CSMD1: variants seen among roughly 807,000 people sequenced by gnomAD.
The protein encoded by CSMD1 is CUB and sushi domain-containing protein 1.
Under a neutral mutation model 417.5 loss-of-function variants are expected in CSMD1, and 213 were observed. That is an observed-to-expected ratio of 0.51 (90% CI 0.46 to 0.57). The LOEUF is 0.57. Ranked by LOEUF, CSMD1 falls within the 20% of genes least tolerant of loss-of-function variation. CSMD1 has a pLI of 0.00. For synonymous variants in CSMD1, 2,862 were observed against 1,736.8 expected, an observed-to-expected ratio of 1.65 and a Z score of -16.11; for missense variants, 6,923 against 4,529.7, an observed-to-expected ratio of 1.53 and a Z score of -15.17.
rs188524114 is a variant in CSMD1 at position 3,725,002 on chromosome 8, A to G, written c.932-16511T>C. Among the ~76,000 whole-genome samples the G allele has an allele frequency of 2.2e-3, 334 of 152,332 alleles. 2 individuals are homozygous for G. Among genetic ancestry groups the G allele is most frequent in the Middle Eastern group, 0.02 (6 of 294 alleles). On this transcript the variant is annotated intron_variant, in intron 6 of 69. Coordinates refer to ENST00000635120, the MANE Select transcript of CSMD1 (RefSeq NM_033225.6). Reference sequence around the variant, plus strand: ...TTTGTTTGGTATCCTAATATTTTATACAGCTATAAACGTTATTCTGGGAAG... The same window carrying G: ...TTTGTTTGGTATCCTAATATTTTATGCAGCTATAAACGTTATTCTGGGAAG...
intron 2 of CSMD1, among the ~76,000 whole-genome samples, chr8:4,618,847 A>T (rs1023709470): frequency 5.3e-5 from 8 of 152,158 alleles, no homozygotes; most frequent in African/African-American, 1.7e-4. Flanking sequence ...CTTACTTTTA[A>T]TGTGTGGTAT....
chr8:4,272,831 G>C (rs780457856), intron 3 of CSMD1, among the ~76,000 whole-genome samples: 12 of 152,116 alleles, frequency 7.9e-5, no homozygotes, highest in Non-Finnish European at 1.8e-4. Flanking sequence ...GCTTGTATCA[G>C]TCTTGATGAA....
intron 1 of CSMD1, among the ~76,000 whole-genome samples, chr8:4,860,834 C>T (rs1802087231): frequency 6.6e-6 from 1 of 152,094 alleles, no homozygotes; most frequent in African/African-American, 2.4e-5. Context: ...CCCAACACAG[C>T]ATAATTATTT....
At chr8:4,892,629 G>C (rs754169888) in intron 1 of CSMD1, among the ~76,000 whole-genome samples, 6 of 152,024 alleles carry the variant, frequency 3.9e-5, no homozygotes, top group Non-Finnish European at 7.4e-5. Context: ...CCTTAGACGT[G>C]AACACTTAAC....
At chr8:4,001,249 C>A (rs766841612) in intron 4 of CSMD1, among the ~76,000 whole-genome samples, 2 of 152,056 alleles carry the variant, frequency 1.3e-5, no homozygotes, top group Non-Finnish European at 2.9e-5. Flanking sequence ...TAACCTTGAC[C>A]AGAAGTGAAT....
At chr8:4,961,957 TTTC>T (rs966577729) in intron 1 of CSMD1, among the ~76,000 whole-genome samples, 11 of 152,106 alleles carry the variant, frequency 7.2e-5, no homozygotes, top group Non-Finnish European at 1.2e-4. Context: ...TCTGCAGATA[TTTC>T]TTGTCTTTGA....
chr8:4,525,327 G>A (rs1028607586), intron 2 of CSMD1, among the ~76,000 whole-genome samples: 1 of 152,014 alleles, frequency 6.6e-6, no homozygotes, highest in Non-Finnish European at 1.5e-5. Context: ...CCCGGCATGG[G>A]GATTTCTCAG....
chr8:3,564,145 G>A (rs1162740435), intron 10 of CSMD1, among the ~76,000 whole-genome samples: 3 of 151,966 alleles, frequency 2.0e-5, no homozygotes, highest in Non-Finnish European at 2.9e-5. Flanking sequence ...CCTTGTGTTT[G>A]GAAGATTGAA....
chr8:4,336,844 G>C (rs1036226663), intron 3 of CSMD1, among the ~76,000 whole-genome samples: 1 of 152,072 alleles, frequency 6.6e-6, no homozygotes, highest in African/African-American at 2.4e-5. Context: ...AGATGGGGTT[G>C]AGATTTATTT....
At chr8:4,018,453 A>C (rs1796627086) in intron 4 of CSMD1, among the ~76,000 whole-genome samples, 1 of 152,142 alleles carries the variant, frequency 6.6e-6, no homozygotes, top group Non-Finnish European at 1.5e-5. Flanking sequence ...CAGGTCTGTC[A>C]ACACAGCTGT....
intron 3 of CSMD1, among the ~76,000 whole-genome samples, chr8:4,146,320 A>G (rs1804119602): frequency 6.6e-6 from 1 of 150,868 alleles, no homozygotes; most frequent in Non-Finnish European, 1.5e-5. Flanking sequence ...GGTGTCTGAC[A>G]CATCCAAAGC....
chr8:4,382,910 A>G (rs1803196897), intron 3 of CSMD1, among the ~76,000 whole-genome samples: 1 of 152,186 alleles, frequency 6.6e-6, no homozygotes, highest in African/African-American at 2.4e-5. Flanking sequence ...ATACCTAGTT[A>G]ATAAGTGGGA....
At chr8:3,610,203 G>C (rs1342507471) in intron 8 of CSMD1, among the ~76,000 whole-genome samples, 1 of 152,018 alleles carries the variant, frequency 6.6e-6, no homozygotes, top group African/African-American at 2.4e-5. Context: ...AATACAATGG[G>C]TTTTACTATC....
intron 3 of CSMD1, among the ~76,000 whole-genome samples, chr8:4,329,196 G>C (rs992413162): frequency 6.6e-6 from 1 of 152,168 alleles, no homozygotes; most frequent in Non-Finnish European, 1.5e-5. Context: ...CAAGTATAGA[G>C]ATGTTTCCAA....
At chr8:4,766,798 T>G (rs1180078869) in intron 1 of CSMD1, among the ~76,000 whole-genome samples, 2 of 152,218 alleles carry the variant, frequency 1.3e-5, no homozygotes, top group East Asian at 3.9e-4. Flanking sequence ...GGATTCTACA[T>G]ATGTTACATC....
intron 3 of CSMD1, among the ~76,000 whole-genome samples, chr8:4,197,507 G>T (rs989551063): frequency 6.6e-6 from 1 of 152,186 alleles, no homozygotes; most frequent in South Asian, 2.1e-4. Flanking sequence ...TCTCTGTCAA[G>T]TAAGACAGAG....
At chr8:4,027,445 C>G (rs922764267) in intron 4 of CSMD1, among the ~76,000 whole-genome samples, 1 of 151,992 alleles carries the variant, frequency 6.6e-6, no homozygotes, top group South Asian at 2.1e-4. Context: ...GGTGGGTCCT[C>G]CATGCTGTTC....
intron 1 of CSMD1, among the ~76,000 whole-genome samples, chr8:4,765,425 T>G (rs1812400263): frequency 6.6e-6 from 1 of 152,242 alleles, no homozygotes; most frequent in Non-Finnish European, 1.5e-5. Context: ...GATAATTCAC[T>G]GTATACTGTT....
At chr8:3,013,251 G>A (rs958555955) in intron 52 of CSMD1, among the ~76,000 whole-genome samples, 1 of 152,092 alleles carries the variant, frequency 6.6e-6, no homozygotes, top group Non-Finnish European at 1.5e-5. Flanking sequence ...TTTTATGTTT[G>A]TTTCTTTTTT....
Sources: gnomAD v4.1 joint callset for allele counts (sites outside exome capture counted in the v4.1 genomes callset) on GRCh38, gnomAD v4.1.1 for gene constraint, MANE v1.5 for transcripts, NCBI Gene and HGNC (gene_info 2026-07-23, HGNC 2026-07-21) for gene names.